The following SEC24B variants were observed in gnomAD, a reference collection of about 807,000 sequenced individuals.
SEC24B encodes protein transport protein Sec24B.
In SEC24B, 45 loss-of-function variants were observed where a neutral mutation model predicts 142.8. That is an observed-to-expected ratio of 0.32 (90% CI 0.25 to 0.40). The LOEUF (loss-of-function observed/expected upper bound fraction) is 0.40. Ranked by LOEUF, SEC24B falls within the 10% of genes least tolerant of loss-of-function variation. The pLI, the probability that SEC24B is intolerant of heterozygous loss-of-function variation, is 1.00. For synonymous variants in SEC24B, 574 were observed against 568.2 expected, an observed-to-expected ratio of 1.01 and a Z score of -0.15; for missense variants, 1,409 against 1,526.8, an observed-to-expected ratio of 0.92 and a Z score of 1.29.
chr4:109,500,202 A>G (rs1299612827), intron 6 of SEC24B, among the ~76,000 whole-genome samples: 1 of 152,142 alleles, frequency 6.6e-6, no homozygotes, highest in African/African-American at 2.4e-5. Context: ...TGCAAAAGTC[A>G]AAAAGTTATT....
Position 109,525,467 on chromosome 4 carries a change from T to C in SEC24B, c.2754T>C (p.Ile918=). Residue 918 remains isoleucine, a synonymous_variant, in exon 16 of 24, where the codon ATT becomes ATC. Transcript: ENST00000265175. The part of the protein sequence containing the change: ...KDLKRYLTRK[I]GFEAVMRIRC... ...TAAAACGGTATCTCACAAGAAAAAT[T>C]GGGTTTGAAGCTGTTATGAGAATAA... 1 of 1,611,670 alleles carries C rather than the reference T, an allele frequency of 6.2e-7. No individual in the cohort carries two copies. Among genetic ancestry groups the C allele is most frequent in the Non-Finnish European group, 8.5e-7 (1 of 1,178,732 alleles).
chr4:109,513,575 C>G (rs764955522), intron 9 of SEC24B, among the ~76,000 whole-genome samples, 172 bp from the exon 10 acceptor site: 1 of 152,216 alleles, frequency 6.6e-6, no homozygotes, highest in African/African-American at 2.4e-5. Context: ...AGCCACCGCC[C>G]TGATCTATTT....
rs1724919225 is a variant in SEC24B, at chr4:109,531,420, T to C, written c.3288T>C (p.Asp1096=). 1.2e-6 allele frequency: 2 copies of C among 1,613,326 alleles called. No homozygotes were observed. Among genetic ancestry groups the C allele is most frequent in the East Asian group, 2.2e-5 (1 of 44,874 alleles). The change falls in exon 20 of 24, where the codon GAT becomes GAC. Residue 1096 remains aspartate (D), a synonymous_variant. Transcript: ENST00000265175. The part of the protein sequence containing the change: ...AFRTGTSTRL[D]DRVYAMCQIK... Reference sequence around the variant, plus strand: ...GAACGGGTACAAGCACACGGCTGGATGATCGTGTATATGCCATGTGTCAGA... The same window carrying C: ...GAACGGGTACAAGCACACGGCTGGACGATCGTGTATATGCCATGTGTCAGA...
intron 18 of SEC24B, among the ~76,000 whole-genome samples, chr4:109,528,324 G>A (rs1302021379): frequency 6.6e-6 from 1 of 151,818 alleles, no homozygotes; most frequent in African/African-American, 2.4e-5. Context: ...TACTTGGGAG[G>A]TTGAGGCAGG....
chr4:109,529,728 A>G (rs1233471978), intron 18 of SEC24B, among the ~76,000 whole-genome samples: 6 of 152,170 alleles, frequency 3.9e-5, no homozygotes, highest in Admixed American at 1.3e-4. Context: ...ACTAATATCA[A>G]TAGGGGCTAC....
intron 7 of SEC24B, 129 bp from the exon 8 acceptor site, chr4:109,509,880 G>T: frequency 1.9e-6 from 1 of 531,746 alleles, no homozygotes; most frequent in Non-Finnish European, 3.3e-6. Context: ...GGACCTTCTT[G>T]CTTACAGTTA....
rs762670771 is a variant in SEC24B, at chr4:109,525,324, CTTT to C, written c.2633-19_2633-17del. The C allele has an allele frequency of 1.3e-6, 2 of 1,552,530 alleles. No homozygotes were observed. Among genetic ancestry groups the C allele is most frequent in the Non-Finnish European group, 1.7e-6 (2 of 1,150,766 alleles). On this transcript the variant is annotated intron_variant, in intron 15 of 23. Transcript: ENST00000265175. The stretch of plus-strand genomic sequence containing the variant: ...AATATTATTATTTCTATAGCTAATA[CTTT>C]TTGTATTTCTCTCTAAAGCTTGCAT...
At chr4:109,491,763 C>CT (rs1178337987) in intron 5 of SEC24B, among the ~76,000 whole-genome samples, 4 of 150,704 alleles carry the variant, frequency 2.7e-5, no homozygotes, top group Admixed American at 1.3e-4. Context: ...CAACCAGCCT[C>CT]TGAGTATAGT....
chr4:109,533,743 A>G (rs1334955042), intron 22 of SEC24B, 58 bp downstream of exon 22: 1 of 1,012,340 alleles, frequency 9.9e-7, no homozygotes, highest in African/African-American at 1.6e-5. Flanking sequence ...TTATTGATGT[A>G]AAATTCATGT....
chr4:109,526,128 A>T (rs1724193710), intron 16 of SEC24B, 98 bp from the exon 17 acceptor site: 2 of 1,189,372 alleles, frequency 1.7e-6, no homozygotes, highest in Non-Finnish European at 1.2e-6. Context: ...TATCCTTTTG[A>T]TTCAAAATCA....
chr4:109,452,250 A>C (rs541858740), intron 1 of SEC24B, among the ~76,000 whole-genome samples: 2,250 of 152,176 alleles, frequency 0.015, 38 homozygotes, highest in African/African-American at 0.038. Context: ...GCACAAATTG[A>C]TATTCTGTTC....
intron 1 of SEC24B, among the ~76,000 whole-genome samples, chr4:109,434,587 A>G (rs1178641574): frequency 6.6e-6 from 1 of 152,200 alleles, no homozygotes; most frequent in Non-Finnish European, 1.5e-5. Context: ...GGGTGTAAAT[A>G]TGCTATATAA....
intron 1 of SEC24B, among the ~76,000 whole-genome samples, chr4:109,438,535 C>T (rs757798454): frequency 2.0e-5 from 3 of 152,170 alleles, no homozygotes; most frequent in Non-Finnish European, 2.9e-5. Context: ...TCAAGTGATC[C>T]TCCCATCTAG....
intron 2 of SEC24B, among the ~76,000 whole-genome samples, chr4:109,467,009 C>T (rs1731971338): frequency 6.6e-6 from 1 of 152,254 alleles, no homozygotes; most frequent in East Asian, 1.9e-4. Context: ...TAATTCAGTA[C>T]TAGAACTTCA....
At chr4:109,513,285 ATT>A (rs35150434) in intron 9 of SEC24B, among the ~76,000 whole-genome samples, 11,627 of 112,374 alleles carry the variant, frequency 0.1, 587 homozygotes, top group Middle Eastern at 0.28. Context: ...CCTGATTATT[ATT>A]TTTTTTTTTT....
chr4:109,539,764 C>A lies in SEC24B; in HGVS notation c.*89C>A. On this transcript the variant is annotated 3_prime_UTR_variant, in exon 24 of 24. Transcript: ENST00000265175. ...GCGCGTGAGAAATTTGAAATGAAGG[C>A]ATTTGTTAATACAAGATGCAACGCA... The A allele has an allele frequency of 1.2e-6, 1 of 835,214 alleles. No homozygotes were observed. The allele number at this position is 835,214 out of a possible 1,614,324, so 51.7% of individuals were successfully genotyped here. A position where few individuals can be genotyped will look rare whatever the true frequency, so the allele number is the denominator to read the frequency against.
At position 109,539,702 on chromosome 4, in the gene SEC24B, G is replaced by T; in HGVS notation, c.*27G>T. 6.9e-7 allele frequency: 1 copy of T among 1,443,154 alleles called. No individual in the cohort carries two copies. The highest frequency in any genetic ancestry group is 9.7e-7 in the Non-Finnish European group (1 of 1,029,068). 89.4% of individuals were successfully genotyped at this position (1,443,154 alleles called of 1,614,324 possible). On this transcript the variant is annotated 3_prime_UTR_variant, in exon 24 of 24. Coordinates refer to ENST00000265175, the MANE Select transcript of SEC24B (RefSeq NM_006323.5). ...GTAGAATAAAATTGAATAAGAAAAA[G>T]ATCTATAACCTAGGTAAAGCATAAT...
chr4:109,456,320 G>A (rs116138935), intron 1 of SEC24B, among the ~76,000 whole-genome samples: 2,069 of 141,422 alleles, frequency 0.015, 34 homozygotes, highest in African/African-American at 0.038. Context: ...TGCAAATAAA[G>A]ACAGGTTTTT....
intron 1 of SEC24B, among the ~76,000 whole-genome samples, chr4:109,458,380 C>T (rs1730915816): frequency 6.6e-6 from 1 of 152,048 alleles, no homozygotes; most frequent in Admixed American, 6.6e-5. Context: ...CTTCTGGGCC[C>T]ACTTTGATTC....
Sources: allele counts gnomAD v4.1 joint callset (sites outside exome capture counted in the v4.1 genomes callset), GRCh38; gene constraint gnomAD v4.1.1; transcripts MANE v1.5; gene names NCBI Gene and HGNC (gene_info 2026-07-23, HGNC 2026-07-21).